The following PHF21B variants were observed in gnomAD, a reference collection of about 807,000 sequenced individuals.
PHF21B encodes PHD finger protein 4.
In PHF21B, 22 loss-of-function variants were observed where a neutral mutation model predicts 62.2. The observed-to-expected ratio is 0.35, with a 90% CI of 0.25 to 0.51. PHF21B has a LOEUF of 0.51. Ranked by LOEUF, PHF21B falls within the 20% of genes least tolerant of loss-of-function variation. PHF21B has a pLI of 0.97. For synonymous variants in PHF21B, 341 were observed against 314.7 expected, an observed-to-expected ratio of 1.08 and a Z score of -0.88; for missense variants, 701 against 707.9, an observed-to-expected ratio of 0.99 and a Z score of 0.11.
At chr22:44,899,513 A>C (rs889370018) in intron 5 of PHF21B, among the ~76,000 whole-genome samples, 1 of 151,108 alleles carries the variant, frequency 6.6e-6, no homozygotes, top group African/African-American at 2.4e-5. Context: ...CTGGTCTCGA[A>C]CTCTTGACCT....
chr22:44,936,231 T>C (rs933911507), intron 2 of PHF21B, among the ~76,000 whole-genome samples: 1 of 152,198 alleles, frequency 6.6e-6, no homozygotes, highest in African/African-American at 2.4e-5. Flanking sequence ...CCTTGTCACC[T>C]GCATGAGCCC....
chr22:45,008,739 C>A (rs1397085829), intron 1 of PHF21B, 129 bp from the exon 2 acceptor site: 5 of 1,158,172 alleles, frequency 4.3e-6, no homozygotes, highest in Non-Finnish European at 5.3e-6. Flanking sequence ...CCCAAGTTTC[C>A]CGGGCCGCGT....
At chr22:44,915,922 C>CTA (rs969979319) in intron 4 of PHF21B, among the ~76,000 whole-genome samples, 5 of 152,204 alleles carry the variant, frequency 3.3e-5, no homozygotes, top group African/African-American at 1.2e-4. Context: ...ATCAGTATCT[C>CTA]TTCTAGTCAC....
At chr22:44,938,297 G>A (rs150285387) in intron 2 of PHF21B, among the ~76,000 whole-genome samples, 4,491 of 152,118 alleles carry the variant, frequency 0.03, 214 homozygotes, top group African/African-American at 0.097. Flanking sequence ...GCAGTGGCGC[G>A]GACTTGGCTC....
rs191519422 is a variant in PHF21B at position 44,915,992 on chromosome 22, A to G, written c.564+288T>C. Reference sequence around the variant, plus strand: ...ATTTGAATGAATTCATTCATTGACCAATCACTCCTTTTCCACTGGTATTAA... The same window carrying G: ...ATTTGAATGAATTCATTCATTGACCGATCACTCCTTTTCCACTGGTATTAA... On this transcript the variant is annotated intron_variant, in intron 4 of 12. Transcript: ENST00000313237. Among the ~76,000 whole-genome samples the G allele has an allele frequency of 1.2e-4, 18 of 152,322 alleles. No homozygotes were observed. In the East Asian group the frequency reaches 3.3e-3, roughly 28 times the overall value.
chr22:44,952,171 C>T (rs1369132912), intron 2 of PHF21B, among the ~76,000 whole-genome samples: 1 of 152,044 alleles, frequency 6.6e-6, no homozygotes, highest in Non-Finnish European at 1.5e-5. Context: ...GGTGAAACCT[C>T]GTCTCTATTA....
At chr22:44,909,777 C>T (rs549290905) in intron 5 of PHF21B, among the ~76,000 whole-genome samples, 6 of 152,364 alleles carry the variant, frequency 3.9e-5, no homozygotes, top group Admixed American at 1.3e-4. Flanking sequence ...CCTCTGCCTC[C>T]TGTTCTCTGC....
intron 12 of PHF21B, among the ~76,000 whole-genome samples, chr22:44,883,937 C>CT (rs2070782812): frequency 6.6e-6 from 1 of 152,148 alleles, no homozygotes; most frequent in Admixed American, 6.5e-5. Flanking sequence ...TCACCATCCT[C>CT]TAACACATCA....
At chr22:44,903,831 G>A (rs2071203131) in intron 5 of PHF21B, among the ~76,000 whole-genome samples, 1 of 152,136 alleles carries the variant, frequency 6.6e-6, no homozygotes, top group Non-Finnish European at 1.5e-5. Flanking sequence ...CCTTTCTGGT[G>A]TTGTTTATTT....
At chr22:44,947,453 G>A (rs1052246083) in intron 2 of PHF21B, among the ~76,000 whole-genome samples, 1 of 152,222 alleles carries the variant, frequency 6.6e-6, no homozygotes, top group African/African-American at 2.4e-5. Flanking sequence ...CCAGCCCCCT[G>A]CCCTATAGAA....
At chr22:44,957,602 C>T (rs1193242838) in intron 2 of PHF21B, among the ~76,000 whole-genome samples, 1 of 152,160 alleles carries the variant, frequency 6.6e-6, no homozygotes, top group Non-Finnish European at 1.5e-5. Flanking sequence ...GTTTGGCGTT[C>T]TGGGTTCCTC....
At chr22:44,958,316 T>C (rs1025548188) in intron 2 of PHF21B, among the ~76,000 whole-genome samples, 4 of 152,224 alleles carry the variant, frequency 2.6e-5, no homozygotes, top group South Asian at 2.1e-4. Flanking sequence ...GCTGAAACCC[T>C]GTGCTCTGGA....
intron 3 of PHF21B, 119 bp downstream of exon 3, chr22:44,920,279 G>A (rs1410898521): frequency 1.6e-6 from 1 of 618,558 alleles, no homozygotes; most frequent in Non-Finnish European, 2.6e-6. Context: ...GTGCAGCTGA[G>A]AGGGCACGAG....
intron 2 of PHF21B, among the ~76,000 whole-genome samples, chr22:44,960,442 G>A (rs550368182): frequency 1.1e-4 from 16 of 152,266 alleles, no homozygotes; most frequent in East Asian, 1.9e-4. Context: ...TCCCCAGGTC[G>A]TCGCCCAACC....
chr22:44,900,658 G>A (rs2071141898), intron 5 of PHF21B, among the ~76,000 whole-genome samples: 1 of 152,148 alleles, frequency 6.6e-6, no homozygotes, highest in Non-Finnish European at 1.5e-5. Context: ...GGCTGCAAAT[G>A]AAATCCTTGG....
Position 44,913,871 on chromosome 22 carries a change from G to T in PHF21B, c.782C>A (p.Ala261Asp). The T allele has an allele frequency of 6.2e-7, 1 of 1,613,996 alleles. No homozygotes were observed. Among genetic ancestry groups the T allele is most frequent in the Admixed American group, 1.7e-5 (1 of 60,008 alleles). The change falls in exon 5 of 13, where the codon GCC (alanine) becomes GAC (aspartate). Residue 261 changes from alanine to aspartate, a missense_variant. Coordinates refer to ENST00000313237, the MANE Select transcript of PHF21B (RefSeq NM_138415.5). ...CCGGTCTTCCTTCTTCTTTTTGGTG[G>T]CCTGAGCTCCCTGAGATGGCTCCTC... is the stretch of plus-strand genomic sequence containing the variant. ...PTEEPSQGAQ[A>D]TKKKKEDRPP...
At chr22:44,888,679 C>A (rs760088507) in intron 9 of PHF21B, among the ~76,000 whole-genome samples, 13 of 152,232 alleles carry the variant, frequency 8.5e-5, no homozygotes, top group Non-Finnish European at 1.5e-4. Context: ...TTGGAAAAGA[C>A]CAGAGAGCTC....
chr22:44,924,178 T>C (rs2071590229), intron 2 of PHF21B, among the ~76,000 whole-genome samples: 1 of 151,956 alleles, frequency 6.6e-6, no homozygotes, highest in African/African-American at 2.4e-5. Flanking sequence ...AATAAAAAAT[T>C]ACTAAACATA....
In PHF21B at chr22:44,885,862, C is replaced by A; in HGVS notation, c.1273+1G>T. 1 of 1,614,048 alleles carries A rather than the reference C, an allele frequency of 6.2e-7. No individual in the cohort carries two copies. Among genetic ancestry groups the A allele is most frequent in the Non-Finnish European group, 8.5e-7 (1 of 1,179,966 alleles). The stretch of plus-strand genomic sequence containing the variant: ...TTTTCCACTCCCCAGGGATGCCTCA[C>A]CTGTCTTGTGGGTGACATAAGAGTG... On this transcript the variant is annotated splice_donor_variant, in intron 11 of 12. Coordinates refer to ENST00000313237, the MANE Select transcript of PHF21B (RefSeq NM_138415.5). LOFTEE classifies it high-confidence loss of function.
Sources: gnomAD v4.1 joint callset for allele counts (sites outside exome capture counted in the v4.1 genomes callset) on GRCh38, gnomAD v4.1.1 for gene constraint, MANE v1.5 for transcripts, NCBI Gene and HGNC (gene_info 2026-07-23, HGNC 2026-07-21) for gene names.